PHF21B: variants seen among roughly 807,000 people sequenced by gnomAD.
The protein encoded by PHF21B is PHD finger protein 21B.
Under a neutral mutation model 62.2 loss-of-function variants are expected in PHF21B, and 22 were observed. The ratio of observed to expected loss-of-function variants is 0.35; its 90% CI spans 0.25 to 0.51. PHF21B has a LOEUF of 0.51. Ranked by LOEUF, PHF21B falls within the 20% of genes least tolerant of loss-of-function variation. PHF21B has a pLI of 0.97. For missense variants in PHF21B, 701 were observed against 707.9 expected, an observed-to-expected ratio of 0.99 and a Z score of 0.11; for synonymous variants, 341 against 314.7, an observed-to-expected ratio of 1.08 and a Z score of -0.88.
chr22:44,975,806 C>T (rs950191248), intron 2 of PHF21B, among the ~76,000 whole-genome samples: 7 of 152,256 alleles, frequency 4.6e-5, no homozygotes, highest in African/African-American at 1.7e-4. Context: ...CCAACTCGCC[C>T]AGGAGAGGGC....
At chr22:44,983,499 T>A (rs1380303383) in intron 2 of PHF21B, among the ~76,000 whole-genome samples, 1 of 152,004 alleles carries the variant, frequency 6.6e-6, no homozygotes, top group Non-Finnish European at 1.5e-5. Context: ...CAGGGAGGGG[T>A]CCCTGTGGGC....
At chr22:44,952,628 A>G (rs2072216478) in intron 2 of PHF21B, among the ~76,000 whole-genome samples, 1 of 152,106 alleles carries the variant, frequency 6.6e-6, no homozygotes, top group Non-Finnish European at 1.5e-5. Flanking sequence ...GAATATGATA[A>G]ATTTCTGTTT....
chr22:44,884,292 A>ACG (rs2070803318), intron 12 of PHF21B, among the ~76,000 whole-genome samples: 2 of 124,486 alleles, frequency 1.6e-5, no homozygotes, highest in Admixed American at 7.5e-5. Context: ...GATCACCATT[A>ACG]TCACCACCAC....
chr22:44,927,959 G>A (rs4358235), intron 2 of PHF21B, among the ~76,000 whole-genome samples: 3 of 151,986 alleles, frequency 2.0e-5, no homozygotes, highest in Admixed American at 6.5e-5. Context: ...AGTCTGGGGC[G>A]GGGCGGGGCA....
At chr22:44,927,752 T>G (rs1043339804) in intron 2 of PHF21B, among the ~76,000 whole-genome samples, 4 of 152,110 alleles carry the variant, frequency 2.6e-5, no homozygotes, top group African/African-American at 9.7e-5. Flanking sequence ...ACCTTTCTGC[T>G]CCAAGCTGGA....
intron 2 of PHF21B, among the ~76,000 whole-genome samples, chr22:44,950,731 G>C (rs1238389567): frequency 1.3e-5 from 2 of 152,228 alleles, no homozygotes; most frequent in Non-Finnish European, 2.9e-5. Context: ...TGAATCACTT[G>C]TTGCAATGAA....
rs1287934025 is a variant in PHF21B at position 44,882,127 on chromosome 22, T to G, written c.*959A>C. 6.5e-6 allele frequency: 1 copy of G among 152,738 alleles called. No individual in the cohort carries two copies. The highest frequency in any genetic ancestry group is 1.9e-4 in the East Asian group (1 of 5,202). 9.5% of individuals were successfully genotyped at this position (152,738 alleles called of 1,614,324 possible). ...AAAAGTGTGAAGTTATTTTTTGGCA[T>G]AGTGTCTGCACTGGCAAGAAGGGAG... On this transcript the variant is annotated 3_prime_UTR_variant, in exon 13 of 13. Coordinates refer to ENST00000313237, the MANE Select transcript of PHF21B (RefSeq NM_138415.5).
chr22:44,984,209 T>TCATCAC (rs2072903892), intron 2 of PHF21B, among the ~76,000 whole-genome samples: 4 of 133,018 alleles, frequency 3.0e-5, no homozygotes, highest in Non-Finnish European at 4.8e-5. Context: ...ACTACCACCA[T>TCATCAC]CATCACCACC....
At chr22:44,923,568 A>G (rs1476305034) in intron 2 of PHF21B, among the ~76,000 whole-genome samples, 1 of 152,208 alleles carries the variant, frequency 6.6e-6, no homozygotes, top group Non-Finnish European at 1.5e-5. Flanking sequence ...AGGAAAATGC[A>G]AAAAGTGGCC....
At chr22:44,928,601 T>A (rs1335550961) in intron 2 of PHF21B, among the ~76,000 whole-genome samples, 1 of 152,174 alleles carries the variant, frequency 6.6e-6, no homozygotes, top group Non-Finnish European at 1.5e-5. Flanking sequence ...GTAGAGACAG[T>A]GTTTCACCAT....
At chr22:44,954,428 G>A (rs1194563672) in intron 2 of PHF21B, among the ~76,000 whole-genome samples, 2 of 151,830 alleles carry the variant, frequency 1.3e-5, no homozygotes, top group Non-Finnish European at 2.9e-5. Flanking sequence ...CACATCTGAG[G>A]AATTCATTCC....
chr22:44,940,938 A>G (rs148843712), intron 2 of PHF21B, among the ~76,000 whole-genome samples: 1 of 152,312 alleles, frequency 6.6e-6, no homozygotes, highest in East Asian at 1.9e-4. Flanking sequence ...CATGGAATGT[A>G]ATTTTAATTT....
intron 2 of PHF21B, among the ~76,000 whole-genome samples, chr22:44,977,807 G>A (rs1030735017): frequency 7.0e-6 from 1 of 143,812 alleles, no homozygotes; most frequent in Non-Finnish European, 1.5e-5. Context: ...GGCTGATCTC[G>A]AACTCCTGGC....
chr22:44,885,278 G>A (rs1399402470), intron 12 of PHF21B, 148 bp downstream of exon 12: 7 of 682,804 alleles, frequency 1.0e-5, no homozygotes, highest in Admixed American at 6.1e-5. Context: ...TGACACGCCT[G>A]CCTGTCCACC....
intron 2 of PHF21B, among the ~76,000 whole-genome samples, chr22:45,007,077 C>G (rs1256754440): frequency 1.3e-5 from 2 of 151,922 alleles, no homozygotes; most frequent in Non-Finnish European, 2.9e-5. Context: ...AGCTTCCACT[C>G]CCGGACGGGG....
At chr22:44,890,973 C>T (rs952600591) in intron 8 of PHF21B, among the ~76,000 whole-genome samples, 13 of 152,222 alleles carry the variant, frequency 8.5e-5, no homozygotes, top group African/African-American at 3.1e-4. Context: ...CAGAGGCCGC[C>T]CGCGTGTGGG....
intron 2 of PHF21B, among the ~76,000 whole-genome samples, chr22:44,978,748 C>T (rs2072784032): frequency 6.6e-6 from 1 of 152,364 alleles, no homozygotes; most frequent in East Asian, 1.9e-4. Context: ...TTCTACTACA[C>T]CTGCCCAATC....
chr22:44,926,046 G>C (rs115852480), intron 2 of PHF21B, among the ~76,000 whole-genome samples: 2 of 66,950 alleles, frequency 3.0e-5, no homozygotes, highest in Non-Finnish European at 8.5e-5. Context: ...GAAGGCCCAC[G>C]TGGCCCGGCC....
intron 2 of PHF21B, among the ~76,000 whole-genome samples, chr22:44,925,757 A>G (rs536577588): frequency 6.6e-6 from 1 of 152,124 alleles, no homozygotes; most frequent in African/African-American, 2.4e-5. Context: ...TGCATGTCTC[A>G]AAGATGGGGG....
Sources: gnomAD v4.1 joint callset for allele counts (sites outside exome capture counted in the v4.1 genomes callset) on GRCh38, gnomAD v4.1.1 for gene constraint, MANE v1.5 for transcripts, NCBI Gene and HGNC (gene_info 2026-07-23, HGNC 2026-07-21) for gene names.